The following ATP9B variants were observed in gnomAD, a reference collection of about 807,000 sequenced individuals.
The protein encoded by ATP9B is probable phospholipid-transporting ATPase IIB.
Under a neutral mutation model 146.1 loss-of-function variants are expected in ATP9B, and 110 were observed. That is an observed-to-expected ratio of 0.75 (90% CI 0.65 to 0.88). The LOEUF (loss-of-function observed/expected upper bound fraction) is 0.88, where lower values mean the gene tolerates loss of function less well. Among genes scored for constraint, ATP9B ranks in the 40% least tolerant of loss-of-function variants. ATP9B has a pLI of 0.00. For synonymous variants in ATP9B, 604 were observed against 569.7 expected (o/e 1.06, Z -0.86); for missense variants, 1,499 against 1,496.4 (o/e 1.00, Z -0.03).
intron 26 of ATP9B, among the ~76,000 whole-genome samples, chr18:79,366,738 G>A (rs1255666570): frequency 4.6e-5 from 7 of 152,300 alleles, no homozygotes; most frequent in Middle Eastern, 3.4e-3. Flanking sequence ...CAGATTATGC[G>A]GACGAGACCC....
Position 79,359,353 on chromosome 18 carries a change from G to T in ATP9B, c.2904-1G>T. 1 of 1,611,294 alleles carries T rather than the reference G, an allele frequency of 6.2e-7. No individual in the cohort carries two copies. Among genetic ancestry groups the T allele is most frequent in the Non-Finnish European group, 8.5e-7 (1 of 1,177,576 alleles). ...ATTGCACTCCGCTCTTGGTCTTGCA[G>T]GTATGCCACCATATACACCATGTTC... On this transcript the variant is annotated splice_acceptor_variant, in intron 25 of 29. Coordinates refer to ENST00000426216, the MANE Select transcript of ATP9B (RefSeq NM_198531.5). LOFTEE classifies it high-confidence loss of function.
intron 12 of ATP9B, among the ~76,000 whole-genome samples, chr18:79,267,924 A>T (rs1276055741): frequency 1.3e-5 from 2 of 152,058 alleles, no homozygotes; most frequent in Non-Finnish European, 2.9e-5. Flanking sequence ...CTTTCATAAA[A>T]GTTGCTGAAA....
chr18:79,193,279 T>C lies in ATP9B; in HGVS notation c.954+16T>C, dbSNP rs1171273517. 1 of 1,564,700 alleles carries C rather than the reference T, an allele frequency of 6.4e-7. No individual in the cohort carries two copies. Among genetic ancestry groups the C allele is most frequent in the East Asian group, 2.2e-5 (1 of 44,572 alleles). On this transcript the variant is annotated intron_variant, in intron 9 of 29. Transcript: ENST00000426216. ...ATTTACCAGGGTAAGTTAAACCTGT[T>C]GTTCAATACAAATAGAGTTATTGTG...
In ATP9B at chr18:79,281,445, C is replaced by T. The variant is rs372675631; in HGVS notation, c.1411+4249C>T. Among the ~76,000 whole-genome samples the T allele has an allele frequency of 2.6e-4, 39 of 151,696 alleles. No homozygotes were observed. In the East Asian group the frequency reaches 4.3e-3, roughly 17 times the overall value. On this transcript the variant is annotated intron_variant, in intron 13 of 29. Coordinates refer to ENST00000426216, the MANE Select transcript of ATP9B (RefSeq NM_198531.5). ...CTAGGAGGCGGAGATCCTGGTGAGG[C>T]GAGATCACGCCATTGCATGCCAGCC...
intron 13 of ATP9B, among the ~76,000 whole-genome samples, chr18:79,291,136 C>T (rs2096498547): frequency 6.6e-6 from 1 of 151,944 alleles, no homozygotes; most frequent in South Asian, 2.1e-4. Flanking sequence ...TCATTATAGT[C>T]CCAAAAAACT....
chr18:79,274,828 AT>A (rs2096290272), intron 12 of ATP9B, among the ~76,000 whole-genome samples: 1 of 152,176 alleles, frequency 6.6e-6, no homozygotes, highest in African/African-American at 2.4e-5. Flanking sequence ...AACTTACCAT[AT>A]TTCAGTGGTA....
intron 12 of ATP9B, among the ~76,000 whole-genome samples, chr18:79,256,743 G>A (rs868358714): frequency 2.6e-5 from 4 of 151,860 alleles, no homozygotes; most frequent in East Asian, 1.9e-4. Flanking sequence ...TTATTTAGTC[G>A]ACATTTGCTT....
chr18:79,238,442 G>A (rs1425913611), intron 11 of ATP9B, among the ~76,000 whole-genome samples: 1 of 152,238 alleles, frequency 6.6e-6, no homozygotes, highest in Non-Finnish European at 1.5e-5. Flanking sequence ...CCTGGGAGCA[G>A]CGTGGGCTGC....
rs34286681 is a variant in ATP9B, at chr18:79,330,023, G to C, written c.1947G>C (p.Thr649=). 1.2e-6 allele frequency: 2 copies of C among 1,613,930 alleles called. No individual in the cohort carries two copies. ...RMGVIVRDES[T]AEITFYMKGA... is the part of the protein sequence containing the mutation. ...TTGTTCTTTGATAGGATGAATCCAC[G>C]GCAGAAATCACATTCTACATGAAGG... Residue 649 remains threonine (T), a synonymous_variant, in exon 17 of 30, where the codon ACG becomes ACC. Transcript: ENST00000426216.
chr18:79,193,127 C>A, intron 8 of ATP9B, 56 bp from the exon 9 acceptor site: 3 of 1,280,398 alleles, frequency 2.3e-6, no homozygotes, highest in South Asian at 1.3e-5. Context: ...GAGAAATTTC[C>A]AAGTAATTTT....
intron 13 of ATP9B, among the ~76,000 whole-genome samples, chr18:79,282,836 C>A (rs1253831105): frequency 6.6e-6 from 1 of 152,088 alleles, no homozygotes; most frequent in African/African-American, 2.4e-5. Context: ...GTCTTGGTGC[C>A]CCCCAACTAT....
intron 8 of ATP9B, among the ~76,000 whole-genome samples, chr18:79,177,918 A>G (rs2095199182): frequency 1.3e-5 from 2 of 152,174 alleles, no homozygotes; most frequent in African/African-American, 4.8e-5. Flanking sequence ...TAAATTATCT[A>G]GGATACTATG....
At chr18:79,286,790 C>T (rs1431612306) in intron 13 of ATP9B, among the ~76,000 whole-genome samples, 5 of 152,092 alleles carry the variant, frequency 3.3e-5, no homozygotes. Context: ...TGAGATACGT[C>T]CCATCAATAC....
At chr18:79,376,260 C>A (rs1331692368) in intron 29 of ATP9B, 2 of 983,822 alleles carry the variant, frequency 2.0e-6, no homozygotes, top group Non-Finnish European at 2.4e-6. Context: ...CAAACAAATC[C>A]CACAGGTTAG....
At chr18:79,301,516 T>C (rs1287733596) in intron 13 of ATP9B, among the ~76,000 whole-genome samples, 1 of 152,216 alleles carries the variant, frequency 6.6e-6, no homozygotes, top group Non-Finnish European at 1.5e-5. Context: ...ATAAAGCACT[T>C]GTAGAACTTC....
At chr18:79,329,422 T>TTTTG in intron 16 of ATP9B, 120 bp downstream of exon 16, 1 of 1,181,644 alleles carries the variant, frequency 8.5e-7, no homozygotes, top group East Asian at 2.7e-5. Flanking sequence ...GCTGTTACAG[T>TTTTG]TTTGTTTGTT....
intron 26 of ATP9B, chr18:79,363,387 C>T (rs1188373272): frequency 6.6e-6 from 1 of 152,278 alleles, no homozygotes; most frequent in African/African-American, 2.4e-5. Flanking sequence ...GATTGAGAGA[C>T]GTAAACAGAT....
intron 26 of ATP9B, chr18:79,364,070 A>C (rs2097010044): frequency 6.6e-6 from 1 of 152,230 alleles, no homozygotes; most frequent in African/African-American, 2.4e-5. Flanking sequence ...GATCGAGACC[A>C]TCCTGGCTAA....
chr18:79,199,118 A>G (rs2095442471), intron 9 of ATP9B, among the ~76,000 whole-genome samples: 1 of 151,824 alleles, frequency 6.6e-6, no homozygotes, highest in Non-Finnish European at 1.5e-5. Flanking sequence ...CGCCGGGCTA[A>G]TTTTTTGTAT....
Sources: gnomAD v4.1 joint callset for allele counts (sites outside exome capture counted in the v4.1 genomes callset) on GRCh38, gnomAD v4.1.1 for gene constraint, MANE v1.5 for transcripts, NCBI Gene and HGNC (gene_info 2026-07-23, HGNC 2026-07-21) for gene names.